SAMTOR: variants seen among roughly 807,000 people sequenced by gnomAD.
SAMTOR encodes UPF0532 protein C7orf60.
At chr7:112,886,737 G>C in the SAMTOR span, among the ~76,000 whole-genome samples, 1 of 152,174 alleles carries the variant, frequency 6.6e-6, no homozygotes, top group African/African-American at 2.4e-5. Context: ...TACTTACCTG[G>C]TAAGAAATCA....
chr7:112,893,834 G>A, the SAMTOR span, among the ~76,000 whole-genome samples: 11 of 152,164 alleles, frequency 7.2e-5, no homozygotes, highest in Non-Finnish European at 1.3e-4. Context: ...CCTGGGAGGC[G>A]GAGCTTGCAG....
At chr7:112,823,839 A>G in the SAMTOR span, among the ~76,000 whole-genome samples, 1 of 152,168 alleles carries the variant, frequency 6.6e-6, no homozygotes, top group Non-Finnish European at 1.5e-5. Flanking sequence ...TGGTATAGCT[A>G]GTCTATTTCA....
the SAMTOR span, chr7:112,915,244 A>AC: frequency 1.3e-5 from 20 of 1,504,390 alleles, no homozygotes; most frequent in Middle Eastern, 1.8e-4. Flanking sequence ...CTCAGGAAAA[A>AC]AAAAAAAGAA....
the SAMTOR span, among the ~76,000 whole-genome samples, chr7:112,847,917 C>G: frequency 1.3e-5 from 2 of 152,288 alleles, no homozygotes; most frequent in South Asian, 4.1e-4. Context: ...GGCAGGAGGA[C>G]TGCTTGAGAC....
the SAMTOR span, among the ~76,000 whole-genome samples, chr7:112,868,431 T>C: frequency 6.6e-6 from 1 of 152,150 alleles, no homozygotes; most frequent in Non-Finnish European, 1.5e-5. Context: ...AAAGCCCCAG[T>C]ATGTGAAAGG....
the SAMTOR span, chr7:112,822,283 T>C: frequency 1.2e-6 from 2 of 1,613,472 alleles, no homozygotes; most frequent in Admixed American, 1.7e-5. Flanking sequence ...ATAGGGTTTT[T>C]CAGCTGCTTC....
At chr7:112,844,761 A>C in the SAMTOR span, among the ~76,000 whole-genome samples, 1 of 152,100 alleles carries the variant, frequency 6.6e-6, no homozygotes, top group African/African-American at 2.4e-5. Context: ...AATTCATATG[A>C]AACCCTAGAA....
At chr7:112,891,084 A>G in the SAMTOR span, among the ~76,000 whole-genome samples, 4 of 151,736 alleles carry the variant, frequency 2.6e-5, no homozygotes, top group African/African-American at 9.7e-5. Context: ...TCTCAACAAT[A>G]TAACAGAGCT....
the SAMTOR span, among the ~76,000 whole-genome samples, chr7:112,839,105 G>A: frequency 6.6e-6 from 1 of 151,850 alleles, no homozygotes; most frequent in Non-Finnish European, 1.5e-5. Flanking sequence ...ACATGGTTAA[G>A]CCTCGATGAT....
chr7:112,934,871 A>G, the SAMTOR span, among the ~76,000 whole-genome samples: 31 of 152,352 alleles, frequency 2.0e-4, no homozygotes, highest in African/African-American at 5.5e-4. Flanking sequence ...CCTTGTCACA[A>G]AGAACACTAA....
At chr7:112,911,186 C>T in the SAMTOR span, among the ~76,000 whole-genome samples, 1 of 152,124 alleles carries the variant, frequency 6.6e-6, no homozygotes, top group Non-Finnish European at 1.5e-5. Flanking sequence ...CCTCCTGATT[C>T]CCTCCACAGG....
At chr7:112,927,647 A>G in the SAMTOR span, among the ~76,000 whole-genome samples, 2 of 152,036 alleles carry the variant, frequency 1.3e-5, no homozygotes, top group Non-Finnish European at 2.9e-5. Flanking sequence ...AGGCGTGGAG[A>G]ACAAAATCTG....
At chr7:112,897,743 AAG>A in the SAMTOR span, among the ~76,000 whole-genome samples, 3 of 152,186 alleles carry the variant, frequency 2.0e-5, no homozygotes, top group African/African-American at 4.8e-5. Flanking sequence ...GACTGCATAA[AAG>A]AGAGAAATGT....
chr7:112,831,851 C>T, the SAMTOR span, among the ~76,000 whole-genome samples: 9 of 152,202 alleles, frequency 5.9e-5, no homozygotes, highest in Non-Finnish European at 1.2e-4. Context: ...AAAGTTCTGG[C>T]TGATGCCAAA....
At chr7:112,933,137 T>G in the SAMTOR span, among the ~76,000 whole-genome samples, 2 of 152,182 alleles carry the variant, frequency 1.3e-5, no homozygotes, top group Non-Finnish European at 2.9e-5. Context: ...TTTTTGTTAC[T>G]TAAGGAGGGT....
chr7:112,914,330 T>A, the SAMTOR span, among the ~76,000 whole-genome samples: 1 of 148,430 alleles, frequency 6.7e-6, no homozygotes, highest in Non-Finnish European at 1.5e-5. Context: ...GTTATATAGG[T>A]AAATTGCACG....
chr7:112,907,842 CTTATTTATTTATTTAT>C, the SAMTOR span, among the ~76,000 whole-genome samples: 32 of 146,346 alleles, frequency 2.2e-4, no homozygotes, highest in African/African-American at 7.6e-4. Flanking sequence ...TTCTTACTTA[CTTATTTATTTATTTAT>C]TTATTTATTT....
At chr7:112,834,768 CAGA>C in the SAMTOR span, among the ~76,000 whole-genome samples, 1 of 152,082 alleles carries the variant, frequency 6.6e-6, no homozygotes, top group Admixed American at 6.6e-5. Flanking sequence ...GATGTACGGT[CAGA>C]AGGTCAACAG....
chr7:112,917,268 G>A, the SAMTOR span, among the ~76,000 whole-genome samples: 1 of 152,174 alleles, frequency 6.6e-6, no homozygotes, highest in African/African-American at 2.4e-5. Context: ...CCAGAGGAAC[G>A]ATCAGACAGC....
Sources: allele counts gnomAD v4.1 joint callset (sites outside exome capture counted in the v4.1 genomes callset), GRCh38; gene constraint gnomAD v4.1.1; transcripts MANE v1.5; gene names NCBI Gene and HGNC (gene_info 2026-07-23, HGNC 2026-07-21).